The following PCDHGA3 variants were observed in gnomAD, a reference collection of about 807,000 sequenced individuals.
PCDHGA3 encodes protocadherin gamma-A3.
PCDHGA3 carries 40 observed loss-of-function variants against 58.5 expected under a neutral mutation model. The ratio of observed to expected loss-of-function variants is 0.68; its 90% CI spans 0.53 to 0.89. The LOEUF (loss-of-function observed/expected upper bound fraction) is 0.89, where lower values mean the gene tolerates loss of function less well. Ranked by LOEUF, PCDHGA3 falls within the 40% of genes least tolerant of loss-of-function variation. The pLI is 0.00. For missense variants in PCDHGA3, 1,223 were observed against 1,195.9 expected (o/e 1.02, Z -0.33); for synonymous variants, 530 against 525.7 (o/e 1.01, Z -0.11).
chr5:141,361,071 A>G (rs1453413106), intron 1 of PCDHGA3: 1 of 1,613,984 alleles, frequency 6.2e-7, no homozygotes, highest in South Asian at 1.1e-5. Context: ...TTGAGATTGC[A>G]AGTAGTTACA....
intron 1 of PCDHGA3, chr5:141,392,574 C>G (rs2092557177): frequency 2.2e-6 from 1 of 454,134 alleles, no homozygotes; most frequent in African/African-American, 2.0e-5. Flanking sequence ...CTATTTAGGA[C>G]TGTAAGCGCC....
At chr5:141,362,569 T>G (rs779199612) in intron 1 of PCDHGA3, 18 of 1,607,524 alleles carry the variant, frequency 1.1e-5, no homozygotes, top group Admixed American at 1.7e-5. Context: ...GAGCTTTAAT[T>G]AATTTATTTT....
chr5:141,344,198 GC>G lies in PCDHGA3; in HGVS notation c.169del (p.Arg57GlyfsTer21). On this transcript the variant is annotated frameshift_variant, in exon 1 of 4. Transcript: ENST00000253812. LOFTEE classifies it high-confidence loss of function. The part of the protein sequence containing the change: ...GNIANDLGLE[P>X]RELAERGVRI... The stretch of plus-strand genomic sequence containing the variant: ...ACATCGCTAACGACCTGGGGCTAGA[GC>G]CCCGGGAGCTGGCGGAGCGCGGAGT... 1 of 1,614,034 alleles carries G rather than the reference GC, an allele frequency of 6.2e-7. No homozygotes were observed. The highest frequency in any genetic ancestry group is 1.1e-5 in the South Asian group (1 of 91,090).
At position 141,491,067 on chromosome 5, in the gene PCDHGA3, G is replaced by T. The variant is rs752758445; in HGVS notation, c.2425-3740G>T. On this transcript the variant is annotated intron_variant, in intron 1 of 3. Transcript: ENST00000253812. The surrounding 1 kb of genome is among the most constrained non-coding windows in gnomAD (Gnocchi z 6.9). Reference sequence around the variant, plus strand: ...ACAATGCGTGGCTCTCCTACTCACTGTTGCCACAGTCCACAGCCCCAGGAC... The same window carrying T: ...ACAATGCGTGGCTCTCCTACTCACTTTTGCCACAGTCCACAGCCCCAGGAC... 1.2e-6 allele frequency: 2 copies of T among 1,614,200 alleles called. No homozygotes were observed. The highest frequency in any genetic ancestry group is 1.7e-6 in the Non-Finnish European group (2 of 1,180,040).
At chr5:141,446,831 T>C (rs1237079019) in intron 1 of PCDHGA3, among the ~76,000 whole-genome samples, 2 of 152,186 alleles carry the variant, frequency 1.3e-5, no homozygotes, top group East Asian at 3.9e-4. Context: ...TAGATCCTTA[T>C]AAGGCTGAGC....
Position 141,408,693 on chromosome 5 carries a change from TAAACTC to T in PCDHGA3, c.2424+62239_2424+62244del, listed in dbSNP as rs1561714743. 1.9e-6 allele frequency: 3 copies of T among 1,613,768 alleles called. No homozygotes were observed. In the African/African-American group the frequency reaches 4.0e-5, roughly 22 times the overall value. On this transcript the variant is annotated intron_variant, in intron 1 of 3. Coordinates refer to ENST00000253812, the MANE Select transcript of PCDHGA3 (RefSeq NM_018916.4). The stretch of plus-strand genomic sequence containing the variant: ...CCTGCCACGGATCCTGATATAAACA[TAAACTC>T]AATTAAAGATTATAAGATAAACTCT...
chr5:141,466,977 C>T (rs2099133275), intron 1 of PCDHGA3, among the ~76,000 whole-genome samples: 1 of 151,786 alleles, frequency 6.6e-6, no homozygotes. Flanking sequence ...CACAGCTCAT[C>T]ATTTACCTTT....
chr5:141,362,319 G>A (rs1561526450), intron 1 of PCDHGA3: 1 of 1,614,068 alleles, frequency 6.2e-7, no homozygotes, highest in Non-Finnish European at 8.5e-7. Flanking sequence ...ACTGTTTTCA[G>A]CCTGGTCTCA....
At chr5:141,428,129 C>G (rs1449809875) in intron 1 of PCDHGA3, 1 of 1,603,218 alleles carries the variant, frequency 6.2e-7, no homozygotes, top group Non-Finnish European at 8.5e-7. Context: ...CCGGGCTTTT[C>G]AGCCTGGGGC....
At chr5:141,420,458 CAA>C (rs1269245240) in intron 1 of PCDHGA3, 1 of 925,076 alleles carries the variant, frequency 1.1e-6, no homozygotes, top group Non-Finnish European at 1.5e-6. Context: ...TCCTACTATT[CAA>C]AGACATTTTA....
chr5:141,431,190 A>G lies in PCDHGA3; in HGVS notation c.2425-63617A>G, dbSNP rs1363655439. 1 of 1,614,228 alleles carries G rather than the reference A, an allele frequency of 6.2e-7. No homozygotes were observed. Among genetic ancestry groups the G allele is most frequent in the Non-Finnish European group, 8.5e-7 (1 of 1,180,038 alleles). ...AGTGAATTAGAAATAAAAATTAGTGAAAATGCAGCCACTGAGATGCGGTTC... is the reference window on the plus strand; with the variant it reads ...AGTGAATTAGAAATAAAAATTAGTGGAAATGCAGCCACTGAGATGCGGTTC... On this transcript the variant is annotated intron_variant, in intron 1 of 3. Transcript: ENST00000253812. This position sits in a 1 kb window ranked among gnomAD's most constrained non-coding sequence, Gnocchi z 4.8.
intron 1 of PCDHGA3, chr5:141,413,845 C>G: frequency 6.2e-7 from 1 of 1,613,242 alleles, no homozygotes. Flanking sequence ...CGGGGGTGAC[C>G]CTCTCCGATC....
intron 2 of PCDHGA3, among the ~76,000 whole-genome samples, chr5:141,498,971 G>GGGAAGGAAGGAAGGAAGGAAGGAAGGAA (rs201769957): frequency 9.0e-6 from 1 of 110,972 alleles, no homozygotes; most frequent in Non-Finnish European, 1.8e-5. Flanking sequence ...GAGGGAGGGA[G>GGGAAGGAAGGAAGGAAGGAAGGAAGGAA]GGAAGGAAGG....
intron 1 of PCDHGA3, chr5:141,388,909 C>T: frequency 6.2e-7 from 1 of 1,613,902 alleles, no homozygotes. Flanking sequence ...AATGACAACG[C>T]CCCAGAAGTG....
chr5:141,422,940 C>G, intron 1 of PCDHGA3: 3 of 1,614,242 alleles, frequency 1.9e-6, no homozygotes, highest in Non-Finnish European at 1.7e-6. Context: ...TCCCCACAGA[C>G]GGCTCCACTG....
Position 141,511,107 on chromosome 5 carries a change from G to A in PCDHGA3, c.2733G>A (p.Arg911=), listed in dbSNP as rs2099883608. 1 of 1,614,220 alleles carries A rather than the reference G, an allele frequency of 6.2e-7. No homozygotes were observed. Among genetic ancestry groups the A allele is most frequent in the Non-Finnish European group, 8.5e-7 (1 of 1,180,020 alleles). Residue 911 remains arginine, a synonymous_variant, in exon 4 of 4, where the codon CGG becomes CGA. Coordinates refer to ENST00000253812, the MANE Select transcript of PCDHGA3 (RefSeq NM_018916.4). Reference sequence around the variant, plus strand: ...CACTGACCAACGCAGCTGGCAAGCGGGATGGCAAGGCCCCAGCAGGTGGCA... The same window carrying A: ...CACTGACCAACGCAGCTGGCAAGCGAGATGGCAAGGCCCCAGCAGGTGGCA... The part of the protein sequence containing the change: ...NATLTNAAGK[R]DGKAPAGGNG...
intron 1 of PCDHGA3, chr5:141,422,520 G>A (rs759529752): frequency 1.9e-6 from 3 of 1,613,946 alleles, no homozygotes; most frequent in South Asian, 2.2e-5. Flanking sequence ...AGGGAAGCCC[G>A]CCTTTGTCTG....
rs1200950542 is a variant in PCDHGA3, at chr5:141,409,998, G to A, written c.2424+63541G>A. 4 of 1,613,236 alleles carry A rather than the reference G, an allele frequency of 2.5e-6. No homozygotes were observed. In the Admixed American group the frequency reaches 6.7e-5, roughly 27 times the overall value. On this transcript the variant is annotated intron_variant, in intron 1 of 3. Coordinates refer to ENST00000253812, the MANE Select transcript of PCDHGA3 (RefSeq NM_018916.4). ...GTGGTAGCGGTGGACGCCGACTCGGGACACAACGCCTGGCTGTCCTACCAC... is the reference window on the plus strand; with the variant it reads ...GTGGTAGCGGTGGACGCCGACTCGGAACACAACGCCTGGCTGTCCTACCAC...
chr5:141,420,028 A>C, intron 1 of PCDHGA3: 2 of 1,614,076 alleles, frequency 1.2e-6, no homozygotes, highest in Non-Finnish European at 1.7e-6. Flanking sequence ...GCCCTACTGC[A>C]GGAGACTGCT....
Sources: gnomAD v4.1 joint callset for allele counts (sites outside exome capture counted in the v4.1 genomes callset) on GRCh38, gnomAD v4.1.1 for gene constraint, Gnocchi (gnomAD v3.1) non-coding constraint, MANE v1.5 for transcripts, NCBI Gene and HGNC (gene_info 2026-07-23, HGNC 2026-07-21) for gene names.